Variants in SHANK2 observed in about 807,000 individuals in gnomAD.
SHANK2 encodes the protein SH3 and multiple ankyrin repeat domains 2.
A neutral mutation model predicts 133.7 loss-of-function variants in SHANK2; 43 were observed. That is an observed-to-expected ratio of 0.32 (90% CI 0.25 to 0.41). SHANK2 has a LOEUF of 0.41. SHANK2 is among the 10% of genes least tolerant of loss of function. SHANK2 has a pLI of 1.00. For synonymous variants in SHANK2, 1,017 were observed against 952.8 expected (o/e 1.07, Z -1.24); for missense variants, 1,994 against 2,235.8 (o/e 0.89, Z 2.18).
intron 9 of SHANK2, among the ~76,000 whole-genome samples, chr11:71,065,993 A>AT (rs1951051840): frequency 2.7e-4 from 2 of 7,536 alleles, no homozygotes; most frequent in Non-Finnish European, 4.6e-4. Context: ...TTGGGAGGGG[A>AT]GTACAGAACT....
chr11:70,851,674 A>G (rs1359627942), intron 11 of SHANK2, among the ~76,000 whole-genome samples: 3 of 152,230 alleles, frequency 2.0e-5, no homozygotes, highest in African/African-American at 7.2e-5. Flanking sequence ...TATGGAAAAG[A>G]CAAACTTTTT....
chr11:70,613,381 T>A (rs2060690238), intron 17 of SHANK2, among the ~76,000 whole-genome samples: 1 of 152,078 alleles, frequency 6.6e-6, no homozygotes, highest in African/African-American at 2.4e-5. Context: ...TTTTTTGTAT[T>A]TTTAGTAGAG....
At chr11:70,954,539 G>A (rs1950890024) in intron 10 of SHANK2, among the ~76,000 whole-genome samples, 1 of 152,228 alleles carries the variant, frequency 6.6e-6, no homozygotes, top group African/African-American at 2.4e-5. Flanking sequence ...GGTCTGGGGG[G>A]CAAAAGCCAG....
intron 17 of SHANK2, among the ~76,000 whole-genome samples, chr11:70,595,179 C>A (rs1479404806): frequency 1.3e-5 from 2 of 152,104 alleles, no homozygotes; most frequent in African/African-American, 4.8e-5. Context: ...CCCCTCACAT[C>A]GGCCACCGGA....
intron 2 of SHANK2, 32 bp from the exon 3 acceptor site, chr11:71,147,370 G>A (rs1301013206): frequency 1.1e-5 from 17 of 1,510,922 alleles, no homozygotes; most frequent in South Asian, 4.9e-5. Context: ...GACAAAGAAC[G>A]GGAGATGTGA....
intron 17 of SHANK2, among the ~76,000 whole-genome samples, chr11:70,553,065 C>T (rs1391641488): frequency 6.6e-6 from 1 of 152,074 alleles, no homozygotes; most frequent in Non-Finnish European, 1.5e-5. Flanking sequence ...ATTAAGGCCC[C>T]CTCTAATGGC....
chr11:70,527,026 G>A (rs1554972297), intron 17 of SHANK2, among the ~76,000 whole-genome samples: 6 of 151,998 alleles, frequency 3.9e-5, no homozygotes, highest in Middle Eastern at 3.4e-3. Context: ...CTTCCTACAC[G>A]ACCACATCCC....
At chr11:70,497,071 G>T (rs1310092045) in intron 21 of SHANK2, 6 of 455,174 alleles carry the variant, frequency 1.3e-5, no homozygotes, top group Non-Finnish European at 1.8e-5. Flanking sequence ...GGGTGGTAGG[G>T]TCAGGGGCTA....
At chr11:71,124,828 A>C (rs1952153204) in intron 3 of SHANK2, among the ~76,000 whole-genome samples, 1 of 152,140 alleles carries the variant, frequency 6.6e-6, no homozygotes, top group African/African-American at 2.4e-5. Flanking sequence ...TGTTTTTGCA[A>C]ATTGGAGGTT....
At chr11:70,819,359 G>C (rs1948470574) in intron 12 of SHANK2, among the ~76,000 whole-genome samples, 2 of 152,034 alleles carry the variant, frequency 1.3e-5, no homozygotes, top group Non-Finnish European at 2.9e-5. Flanking sequence ...TGAGAATGTG[G>C]AGGCATCGGT....
intron 8 of SHANK2, among the ~76,000 whole-genome samples, chr11:71,085,719 A>G (rs1202146713): frequency 3.0e-5 from 2 of 67,756 alleles, no homozygotes. Context: ...TATATATTAT[A>G]TTATATAAAA....
chr11:70,878,079 A>G (rs144187863), intron 11 of SHANK2, among the ~76,000 whole-genome samples: 77 of 152,332 alleles, frequency 5.1e-4, no homozygotes, highest in African/African-American at 1.8e-3. Flanking sequence ...TGGCCTCAGG[A>G]GCAGGGCACT....
intron 3 of SHANK2, among the ~76,000 whole-genome samples, chr11:71,138,019 C>G (rs1244788557): frequency 6.7e-6 from 1 of 150,142 alleles, no homozygotes; most frequent in Non-Finnish European, 1.5e-5. Context: ...CTAATGGTAA[C>G]GAACCACACT....
chr11:70,853,490 T>G (rs2135475616), intron 11 of SHANK2, among the ~76,000 whole-genome samples: 1 of 152,164 alleles, frequency 6.6e-6, no homozygotes, highest in South Asian at 2.1e-4. Flanking sequence ...TAAGCGTCTT[T>G]CTCAGTCTCT....
chr11:71,061,687 G>C (rs1950987890), intron 9 of SHANK2, among the ~76,000 whole-genome samples: 1 of 152,172 alleles, frequency 6.6e-6, no homozygotes, highest in African/African-American at 2.4e-5. Context: ...CCAAGTCCCA[G>C]GCACATGGGC....
chr11:70,639,058 C>T (rs2061144168), intron 17 of SHANK2, among the ~76,000 whole-genome samples: 1 of 152,134 alleles, frequency 6.6e-6, no homozygotes. Flanking sequence ...GCTCACACTG[C>T]CCTGAGTCTC....
intron 1 of SHANK2, among the ~76,000 whole-genome samples, chr11:71,231,181 G>A (rs535459236): frequency 2.6e-4 from 40 of 152,178 alleles, no homozygotes; most frequent in South Asian, 2.3e-3. Flanking sequence ...CAAATAATTC[G>A]AAATAATATG....
chr11:71,219,720 G>A (rs1030249470), intron 2 of SHANK2, among the ~76,000 whole-genome samples: 9 of 151,568 alleles, frequency 5.9e-5, no homozygotes, highest in African/African-American at 1.5e-4. Context: ...GTAAAATCCC[G>A]TCTCTACTAA....
At chr11:70,722,303 A>C (rs1555029403) in intron 14 of SHANK2, among the ~76,000 whole-genome samples, 1 of 152,186 alleles carries the variant, frequency 6.6e-6, no homozygotes, top group East Asian at 1.9e-4. Context: ...GCCACTGAGG[A>C]ATGTCAATAG....
Sources: gnomAD v4.1 joint callset for allele counts (sites outside exome capture counted in the v4.1 genomes callset) on GRCh38, gnomAD v4.1.1 for gene constraint, MANE v1.5 for transcripts, NCBI Gene and HGNC (gene_info 2026-07-23, HGNC 2026-07-21) for gene names.